The following EPB41L3 variants were observed in gnomAD, a reference collection of about 807,000 sequenced individuals.
The protein encoded by EPB41L3 is erythrocyte membrane protein band 4.1 like 3.
EPB41L3 carries 57 observed loss-of-function variants against 127.1 expected under a neutral mutation model. The ratio of observed to expected loss-of-function variants is 0.45; its 90% CI spans 0.36 to 0.56. The LOEUF (loss-of-function observed/expected upper bound fraction) is 0.56, where lower values mean the gene tolerates loss of function less well. EPB41L3 is among the 20% of genes least tolerant of loss of function. EPB41L3 has a pLI of 0.00. For missense variants in EPB41L3, 1,273 were observed against 1,372.2 expected, an observed-to-expected ratio of 0.93 and a Z score of 1.14; for synonymous variants, 572 against 549.5, an observed-to-expected ratio of 1.04 and a Z score of -0.57.
At chr18:5,601,386 C>T (rs1193597126) in intron 3 of EPB41L3, among the ~76,000 whole-genome samples, 1 of 152,194 alleles carries the variant, frequency 6.6e-6, no homozygotes, top group Non-Finnish European at 1.5e-5. Flanking sequence ...GCTGGCTTTG[C>T]AACCCAACCT....
chr18:5,475,936 T>C (rs189288637), intron 3 of EPB41L3, among the ~76,000 whole-genome samples: 21 of 152,244 alleles, frequency 1.4e-4, no homozygotes, highest in Admixed American at 4.6e-4. Context: ...GAAGCACACC[T>C]TCCCTGGCCT....
intron 18 of EPB41L3, 130 bp from the exon 19 acceptor site, chr18:5,396,462 G>A: frequency 9.8e-7 from 1 of 1,019,070 alleles, no homozygotes; most frequent in Non-Finnish European, 1.4e-6. Context: ...AGAGTAAGCT[G>A]GGGAATGAGG....
In EPB41L3 at chr18:5,529,175, T is replaced by C. The variant is rs114270193; in HGVS notation, c.-12+14738A>G. ...AAAGAAAATACTGCAAATCTATGTT[T>C]AGTGCTTTAAGCTGAGCTGCCTGTC... On this transcript the variant is annotated intron_variant, in intron 1 of 22. Transcript: ENST00000341928. 2.6e-3 allele frequency among the ~76,000 whole-genome samples: 402 copies of C among 152,346 alleles called. 2 individuals carry two copies. Among genetic ancestry groups the C allele is most frequent in the African/African-American group, 9.4e-3 (392 of 41,580 alleles).
chr18:5,597,285 G>T (rs2094546063), intron 3 of EPB41L3, among the ~76,000 whole-genome samples: 1 of 152,046 alleles, frequency 6.6e-6, no homozygotes, highest in African/African-American at 2.4e-5. Flanking sequence ...CATAACCTCA[G>T]ATTTTTCTAA....
rs2073812004 is a variant in EPB41L3, at chr18:5,397,742, T to C, written c.2472+279A>G. 6.6e-6 allele frequency among the ~76,000 whole-genome samples: 1 copy of C among 152,204 alleles called. No individual in the cohort carries two copies. The highest frequency in any genetic ancestry group is 6.5e-5 in the Admixed American group (1 of 15,286). On this transcript the variant is annotated intron_variant, in intron 17 of 22. Coordinates refer to ENST00000341928, the MANE Select transcript of EPB41L3 (RefSeq NM_012307.5). The surrounding 1 kb of genome is among the most constrained non-coding windows in gnomAD (Gnocchi z 4.1). ...GCATTCACGTTGGTTTTGGCTGCTT[T>C]CTTAGACTCAACTGGTGAGACATAA...
chr18:5,402,250 G>A (rs929343452), intron 16 of EPB41L3, among the ~76,000 whole-genome samples: 4 of 149,854 alleles, frequency 2.7e-5, no homozygotes, highest in African/African-American at 9.7e-5. Context: ...AATGTACCAT[G>A]TGGAATCATT....
intron 3 of EPB41L3, among the ~76,000 whole-genome samples, chr18:5,476,821 T>C (rs1310392208): frequency 6.6e-6 from 1 of 152,174 alleles, no homozygotes; most frequent in Non-Finnish European, 1.5e-5. Flanking sequence ...CAGATCTAGA[T>C]GAGTAATTGG....
At chr18:5,533,165 C>T (rs1476645668) in intron 1 of EPB41L3, among the ~76,000 whole-genome samples, 4 of 152,144 alleles carry the variant, frequency 2.6e-5, no homozygotes, top group African/African-American at 9.7e-5. Flanking sequence ...AAAAAGCCAA[C>T]GTCTGAAAAT....
At chr18:5,411,549 T>C (rs1346369321) in intron 13 of EPB41L3, among the ~76,000 whole-genome samples, 1 of 152,100 alleles carries the variant, frequency 6.6e-6, no homozygotes. Flanking sequence ...CTGTTTTCTC[T>C]CGAGTAGAGT....
chr18:5,536,483 C>T (rs1031652218), intron 1 of EPB41L3, among the ~76,000 whole-genome samples: 6 of 149,902 alleles, frequency 4.0e-5, no homozygotes, highest in Non-Finnish European at 8.9e-5. Context: ...AAAGCTCCTC[C>T]GAGACATACT....
chr18:5,507,772 T>C (rs759080217), intron 1 of EPB41L3, among the ~76,000 whole-genome samples: 5 of 152,206 alleles, frequency 3.3e-5, no homozygotes, highest in African/African-American at 4.8e-5. Context: ...AATCAAATGA[T>C]GATTTGGACC....
intron 3 of EPB41L3, among the ~76,000 whole-genome samples, chr18:5,584,143 C>G (rs185348384): frequency 3.3e-5 from 5 of 152,274 alleles, no homozygotes; most frequent in African/African-American, 9.6e-5. Context: ...TGTTTCTGAC[C>G]TGGGCTCCAC....
chr18:5,476,625 A>C (rs2147854671), intron 3 of EPB41L3, among the ~76,000 whole-genome samples: 1 of 152,346 alleles, frequency 6.6e-6, no homozygotes, highest in East Asian at 1.9e-4. Context: ...CATTACATAA[A>C]TGCAAAAAAT....
At chr18:5,398,914 T>C in intron 16 of EPB41L3, 1 of 399,132 alleles carries the variant, frequency 2.5e-6, no homozygotes, top group Non-Finnish European at 4.4e-6. Context: ...TCGGCCTCCT[T>C]GATGGGGGCC....
intron 3 of EPB41L3, among the ~76,000 whole-genome samples, chr18:5,605,000 G>T (rs1342096163): frequency 6.6e-6 from 1 of 152,092 alleles, no homozygotes; most frequent in Non-Finnish European, 1.5e-5. Flanking sequence ...ACCATCTGTG[G>T]GGATTGCCTC....
intron 1 of EPB41L3, among the ~76,000 whole-genome samples, chr18:5,524,376 G>A (rs1214864543): frequency 6.6e-6 from 1 of 151,950 alleles, no homozygotes; most frequent in Non-Finnish European, 1.5e-5. Flanking sequence ...TGTATTTTTA[G>A]TAGAGACAGG....
At chr18:5,563,967 T>G (rs1463834406) in intron 3 of EPB41L3, among the ~76,000 whole-genome samples, 3 of 152,050 alleles carry the variant, frequency 2.0e-5, no homozygotes, top group African/African-American at 4.8e-5. Flanking sequence ...GATGAAGCCC[T>G]AGGAAACACC....
intron 1 of EPB41L3, among the ~76,000 whole-genome samples, chr18:5,506,712 T>C (rs1434243914): frequency 1.3e-5 from 2 of 152,192 alleles, no homozygotes; most frequent in Admixed American, 1.3e-4. Flanking sequence ...GTGCATGGCA[T>C]GTAGTGGGTG....
chr18:5,590,520 A>C (rs1360444403), intron 3 of EPB41L3, among the ~76,000 whole-genome samples: 1 of 152,086 alleles, frequency 6.6e-6, no homozygotes, highest in Non-Finnish European at 1.5e-5. Context: ...AAGACCCAGC[A>C]ATCCTATACT....
Sources: gnomAD v4.1 joint callset for allele counts (sites outside exome capture counted in the v4.1 genomes callset) on GRCh38, gnomAD v4.1.1 for gene constraint, Gnocchi (gnomAD v3.1) non-coding constraint, MANE v1.5 for transcripts, NCBI Gene and HGNC (gene_info 2026-07-23, HGNC 2026-07-21) for gene names.